The following FER variants were observed in gnomAD, a reference collection of about 807,000 sequenced individuals.
FER encodes the protein FER tyrosine kinase.
In FER, 63 loss-of-function variants were observed where a neutral mutation model predicts 111.0. The observed-to-expected ratio is 0.57, with a 90% confidence interval of 0.46 to 0.70. The LOEUF (loss-of-function observed/expected upper bound fraction) is 0.70, where lower values mean the gene tolerates loss of function less well. Among genes scored for constraint, FER ranks in the 30% least tolerant of loss-of-function variants. The pLI is 0.00. For synonymous variants in FER, 327 were observed against 313.9 expected (o/e 1.04, Z -0.44); for missense variants, 914 against 954.0 (o/e 0.96, Z 0.55).
intron 5 of FER, chr5:108,841,803 C>G (rs1451067451): frequency 2.4e-6 from 1 of 418,996 alleles, no homozygotes; most frequent in Admixed American, 3.0e-5. Context: ...ACTCAGTCTT[C>G]CTTTCTTTTT....
At chr5:109,000,295 C>T (rs1764565444) in intron 13 of FER, among the ~76,000 whole-genome samples, 1 of 151,472 alleles carries the variant, frequency 6.6e-6, no homozygotes, top group Non-Finnish European at 1.5e-5. Context: ...TTTAAGCAGA[C>T]ATTAATTTAT....
At chr5:108,914,354 T>TA (rs774979728) in intron 10 of FER, among the ~76,000 whole-genome samples, 15 of 152,084 alleles carry the variant, frequency 9.9e-5, no homozygotes, top group Non-Finnish European at 1.6e-4. Context: ...ATGCCATACT[T>TA]ACTTTTCTCT....
chr5:109,128,467 A>C (rs975514915), intron 17 of FER, among the ~76,000 whole-genome samples: 4 of 152,164 alleles, frequency 2.6e-5, no homozygotes, highest in Non-Finnish European at 4.4e-5. Context: ...CTTTAGTCTC[A>C]GTAATGTGAT....
At chr5:108,810,019 C>T (rs540924873) in intron 3 of FER, among the ~76,000 whole-genome samples, 27 of 152,262 alleles carry the variant, frequency 1.8e-4, no homozygotes, top group African/African-American at 5.5e-4. Flanking sequence ...GAGGTGCTGG[C>T]ACTTCTAATT....
chr5:108,789,616 T>TCTTC (rs200793023), intron 2 of FER, among the ~76,000 whole-genome samples: 1 of 145,478 alleles, frequency 6.9e-6, no homozygotes, highest in South Asian at 2.2e-4. Context: ...TTCTTCTTCT[T>TCTTC]TTTTTTTTTT....
intron 17 of FER, among the ~76,000 whole-genome samples, chr5:109,144,164 G>GA (rs1753813384): frequency 6.6e-6 from 1 of 152,066 alleles, no homozygotes; most frequent in South Asian, 2.1e-4. Context: ...TCTGAATCCC[G>GA]ACTTCCCTGC....
intron 17 of FER, among the ~76,000 whole-genome samples, chr5:109,116,840 T>C (rs1454245679): frequency 6.6e-6 from 1 of 152,154 alleles, no homozygotes; most frequent in Admixed American, 6.5e-5. Flanking sequence ...TGAATGAAAA[T>C]TATCAGCAGT....
At chr5:109,025,209 G>A (rs879727984) in intron 13 of FER, among the ~76,000 whole-genome samples, 8,643 of 151,844 alleles carry the variant, frequency 0.057, 363 homozygotes, top group South Asian at 0.12. Flanking sequence ...ATTACCTTGG[G>A]CAGTATGGCC....
intron 13 of FER, among the ~76,000 whole-genome samples, chr5:108,996,035 C>T (rs1323177254): frequency 2.0e-5 from 3 of 152,178 alleles, no homozygotes; most frequent in Non-Finnish European, 2.9e-5. Flanking sequence ...AGCTTTTCTT[C>T]GTATGTTTGT....
chr5:108,764,796 A>C (rs1374753539), intron 1 of FER, among the ~76,000 whole-genome samples: 1 of 152,198 alleles, frequency 6.6e-6, no homozygotes, highest in Non-Finnish European at 1.5e-5. Flanking sequence ...AACTAAGGGG[A>C]TATTTATTAG....
chr5:108,770,373 A>G (rs948795849), intron 2 of FER, among the ~76,000 whole-genome samples: 5 of 152,218 alleles, frequency 3.3e-5, no homozygotes, highest in Non-Finnish European at 4.4e-5. Context: ...GCTCTTTTAA[A>G]AGAGATAATT....
At chr5:108,961,906 T>C (rs1759199928) in intron 13 of FER, among the ~76,000 whole-genome samples, 1 of 152,204 alleles carries the variant, frequency 6.6e-6, no homozygotes, top group Non-Finnish European at 1.5e-5. Context: ...TGCTGTAAAA[T>C]ATTTAATTTC....
chr5:108,855,944 A>AT (rs35155732), intron 5 of FER, among the ~76,000 whole-genome samples: 1,944 of 143,588 alleles, frequency 0.014, 24 homozygotes, highest in African/African-American at 0.027. Flanking sequence ...TAAAGGGAGG[A>AT]TTTTTTTTTT....
At chr5:109,155,925 A>T (rs955776533) in intron 17 of FER, among the ~76,000 whole-genome samples, 1 of 152,072 alleles carries the variant, frequency 6.6e-6, no homozygotes, top group African/African-American at 2.4e-5. Flanking sequence ...TGAGGACCAG[A>T]TGAGGAAAGG....
intron 16 of FER, among the ~76,000 whole-genome samples, chr5:109,054,383 C>T (rs1178348036): frequency 6.6e-6 from 1 of 152,124 alleles, no homozygotes; most frequent in Non-Finnish European, 1.5e-5. Flanking sequence ...ATAATGATGT[C>T]ATGCATGTTT....
intron 16 of FER, among the ~76,000 whole-genome samples, chr5:109,059,091 CTACT>C (rs1204472056): frequency 6.6e-6 from 1 of 152,040 alleles, no homozygotes; most frequent in Non-Finnish European, 1.5e-5. Flanking sequence ...TTCCCACCTT[CTACT>C]TACTTCTCTC....
intron 2 of FER, among the ~76,000 whole-genome samples, chr5:108,787,952 C>T (rs528377455): frequency 6.6e-6 from 1 of 152,170 alleles, no homozygotes; most frequent in African/African-American, 2.4e-5. Context: ...TGCTTGGGAC[C>T]TACTGAATGG....
chr5:109,022,505 T>A (rs1465544703), intron 13 of FER, among the ~76,000 whole-genome samples: 1 of 152,128 alleles, frequency 6.6e-6, no homozygotes, highest in African/African-American at 2.4e-5. Context: ...TAGGGAGGTA[T>A]ATTTGTCAAA....
chr5:109,194,813 C>T lies in FER; in HGVS notation c.*7238C>T, dbSNP rs1463072963. 1 of 145,172 alleles carries T rather than the reference C, an allele frequency of 6.9e-6. No homozygotes were observed. The highest frequency in any genetic ancestry group is 1.6e-5 in the Non-Finnish European group (1 of 64,470). 9.0% of individuals were successfully genotyped at this position (145,172 alleles called of 1,614,324 possible). On this transcript the variant is annotated 3_prime_UTR_variant, in exon 20 of 20. Coordinates refer to ENST00000281092, the MANE Select transcript of FER (RefSeq NM_005246.4). The stretch of plus-strand genomic sequence containing the variant: ...GGAAACAGAATCCAAAGTCATTTTT[C>T]ATATAGCTGTTGTCAAATAGTATAA...
Sources: gnomAD v4.1 joint callset for allele counts (sites outside exome capture counted in the v4.1 genomes callset) on GRCh38, gnomAD v4.1.1 for gene constraint, MANE v1.5 for transcripts, NCBI Gene and HGNC (gene_info 2026-07-23, HGNC 2026-07-21) for gene names.